AGMO: variants seen among roughly 807,000 people sequenced by gnomAD.
AGMO encodes glyceryl-ether monooxygenase.
Under a neutral mutation model 60.2 loss-of-function variants are expected in AGMO, and 75 were observed. That is an observed-to-expected ratio of 1.25 (90% CI 1.03 to 1.51). AGMO has a LOEUF of 1.51. Among genes scored for constraint, AGMO ranks in the 40% most tolerant of loss-of-function variants. The pLI is 0.00. For synonymous variants in AGMO, 261 were observed against 177.1 expected (o/e 1.47, Z -3.76); for missense variants, 763 against 525.5 (o/e 1.45, Z -4.42).
At chr7:15,541,362 C>T (rs1228526069) in intron 3 of AGMO, among the ~76,000 whole-genome samples, 3 of 152,080 alleles carry the variant, frequency 2.0e-5, no homozygotes, top group Non-Finnish European at 2.9e-5. Context: ...CCTCATGATC[C>T]GCCAGCCTCA....
At chr7:15,391,130 G>T (rs7781517) in intron 6 of AGMO, among the ~76,000 whole-genome samples, 116,972 of 151,884 alleles carry the variant, frequency 0.77, 45,866 homozygotes, top group African/African-American at 0.93. Context: ...CTTAAAGCTA[G>T]ATGCATGCTT....
rs527903437 is a variant in AGMO, at chr7:15,519,550, G to A, written c.409+25222C>T. 4.1e-4 allele frequency among the ~76,000 whole-genome samples: 63 copies of A among 152,196 alleles called. 1 individual carries two copies. In the South Asian group the frequency reaches 9.3e-3, roughly 23 times the overall value. The stretch of plus-strand genomic sequence containing the variant: ...TTTCAACCAGAATTTCCTATCCAGT[G>A]AAACTAAGCTTCATAAGTGAAGAAA... On this transcript the variant is annotated intron_variant, in intron 3 of 12. Transcript: ENST00000342526.
chr7:15,151,857 C>T, the AGMO span, among the ~76,000 whole-genome samples: 14 of 152,088 alleles, frequency 9.2e-5, no homozygotes, highest in Non-Finnish European at 1.6e-4. Context: ...CCTAACATAT[C>T]TGTTAGTTTT....
intron 12 of AGMO, among the ~76,000 whole-genome samples, chr7:15,329,494 G>T (rs10216324): frequency 0.81 from 122,831 of 152,116 alleles, 50,361 homozygotes; most frequent in East Asian, 0.98. Context: ...CAAAAAATAC[G>T]TCCTTAGTGG....
the AGMO span, among the ~76,000 whole-genome samples, chr7:15,192,049 T>C: frequency 1.3e-5 from 2 of 151,880 alleles, no homozygotes; most frequent in East Asian, 3.9e-4. Context: ...TGTTGGCAAA[T>C]TTATACAATA....
At chr7:15,407,687 A>T (rs143060651) in intron 5 of AGMO, among the ~76,000 whole-genome samples, 2,592 of 151,924 alleles carry the variant, frequency 0.017, 45 homozygotes, top group South Asian at 0.05. Context: ...TTTTATTTAA[A>T]TACAATGCTT....
intron 4 of AGMO, among the ~76,000 whole-genome samples, chr7:15,428,011 G>GAGCTTAATTTCACATTTCAATGTGAAATT (rs1781119266): frequency 6.6e-6 from 1 of 152,160 alleles, no homozygotes; most frequent in South Asian, 2.1e-4. Context: ...AATGTGAAAT[G>GAGCTTAATTTCACATTTCAATGTGAAATT]AGCTTAATTT....
At position 15,390,908 on chromosome 7, in the gene AGMO, A is replaced by G. The variant is rs777709219; in HGVS notation, c.677-3T>C. The G allele has an allele frequency of 1.0e-5, 16 of 1,572,082 alleles. No individual in the cohort carries two copies. The South Asian group carries it at 1.7e-4, about 16-fold the overall frequency. On this transcript the variant is annotated splice_polypyrimidine_tract_variant and splice_region_variant and intron_variant, in intron 6 of 12. Transcript: ENST00000342526. Reference sequence around the variant, plus strand: ...GTCTATGCAATAACGATTTCTGCCTATGAGACAAAATATTAGAAATTTTTT... The same window carrying G: ...GTCTATGCAATAACGATTTCTGCCTGTGAGACAAAATATTAGAAATTTTTT...
At chr7:15,517,260 G>T (rs1486237536) in intron 3 of AGMO, among the ~76,000 whole-genome samples, 1 of 151,456 alleles carries the variant, frequency 6.6e-6, no homozygotes, top group Non-Finnish European at 1.5e-5. Context: ...AAATTAAAAA[G>T]ATAACAAAAT....
At chr7:15,324,094 T>G (rs932126772) in intron 12 of AGMO, among the ~76,000 whole-genome samples, 1 of 152,172 alleles carries the variant, frequency 6.6e-6, no homozygotes, top group Non-Finnish European at 1.5e-5. Flanking sequence ...GTAGTAAAAA[T>G]AAGACTACTT....
Position 15,385,631 on chromosome 7 carries a change from G to C in AGMO, c.958-69C>G, listed in dbSNP as rs902553066. On this transcript the variant is annotated intron_variant, in intron 9 of 12. Coordinates refer to ENST00000342526, the MANE Select transcript of AGMO (RefSeq NM_001004320.2). The stretch of plus-strand genomic sequence containing the variant: ...TTTTTCTTACTGAAATTCACACTAA[G>C]AGATATTTGAAAAAAGTATCTGCTA... 44 of 864,574 alleles carry C rather than the reference G, an allele frequency of 5.1e-5. No homozygotes were observed. In the Admixed American group the frequency reaches 9.9e-4, roughly 19 times the overall value. 53.6% of individuals were successfully genotyped at this position (864,574 alleles called of 1,614,324 possible).
the AGMO span, among the ~76,000 whole-genome samples, chr7:15,171,452 T>G: frequency 6.6e-6 from 1 of 152,212 alleles, no homozygotes; most frequent in Non-Finnish European, 1.5e-5. Flanking sequence ...CTTTCCATAC[T>G]ATACTTTTTG....
At chr7:15,138,788 C>T in the AGMO span, among the ~76,000 whole-genome samples, 83 of 152,130 alleles carry the variant, frequency 5.5e-4, no homozygotes, top group African/African-American at 1.9e-3. Context: ...GGAGCCTTTA[C>T]ATAATAAAAT....
At chr7:15,476,588 T>G (rs1216105134) in intron 3 of AGMO, among the ~76,000 whole-genome samples, 3 of 152,114 alleles carry the variant, frequency 2.0e-5, no homozygotes, top group Non-Finnish European at 2.9e-5. Flanking sequence ...ATTGTTTCTT[T>G]TTTTTCTTTT....
intron 12 of AGMO, among the ~76,000 whole-genome samples, chr7:15,346,308 TG>T (rs1374764827): frequency 6.6e-6 from 1 of 152,108 alleles, no homozygotes; most frequent in East Asian, 1.9e-4. Flanking sequence ...CAAATTCCAT[TG>T]GGAAAGAGGT....
chr7:15,424,348 T>C (rs1017356345), intron 4 of AGMO, among the ~76,000 whole-genome samples: 8 of 152,118 alleles, frequency 5.3e-5, no homozygotes, highest in Non-Finnish European at 1.2e-4. Context: ...TGATGCACTA[T>C]CATAATAAGA....
the AGMO span, among the ~76,000 whole-genome samples, chr7:15,161,059 C>T: frequency 1.3e-5 from 2 of 152,100 alleles, no homozygotes; most frequent in Non-Finnish European, 2.9e-5. Flanking sequence ...ATAATGAACC[C>T]ACTCCTGTCA....
intron 3 of AGMO, among the ~76,000 whole-genome samples, chr7:15,477,928 G>A (rs528046158): frequency 3.9e-5 from 6 of 152,174 alleles, no homozygotes; most frequent in Non-Finnish European, 7.4e-5. Flanking sequence ...CTGGATATTC[G>A]TTGAATTTTG....
At chr7:15,343,262 T>C (rs1399158538) in intron 12 of AGMO, among the ~76,000 whole-genome samples, 1 of 152,112 alleles carries the variant, frequency 6.6e-6, no homozygotes, top group Admixed American at 6.5e-5. Context: ...TAATAGAAAA[T>C]TATCTTTCTG....
Sources: allele counts gnomAD v4.1 joint callset (sites outside exome capture counted in the v4.1 genomes callset), GRCh38; gene constraint gnomAD v4.1.1; transcripts MANE v1.5; gene names NCBI Gene and HGNC (gene_info 2026-07-23, HGNC 2026-07-21).